PDZRN4: variants seen among roughly 807,000 people sequenced by gnomAD.
PDZRN4 encodes PDZ domain-containing RING finger protein 4.
Under a neutral mutation model 99.0 loss-of-function variants are expected in PDZRN4, and 70 were observed. The ratio of observed to expected loss-of-function variants is 0.71; its 90% CI spans 0.58 to 0.86. The LOEUF is 0.86. Ranked by LOEUF, PDZRN4 falls within the 40% of genes least tolerant of loss-of-function variation. PDZRN4 has a pLI of 0.00. For missense variants in PDZRN4, 1,474 were observed against 1,331.2 expected (o/e 1.11, Z -1.67); for synonymous variants, 551 against 501.6 (o/e 1.10, Z -1.32).
intron 3 of PDZRN4, among the ~76,000 whole-genome samples, chr12:41,423,920 C>A (rs12312032): frequency 3.3e-5 from 5 of 152,094 alleles, no homozygotes; most frequent in Non-Finnish European, 7.4e-5. Context: ...AATGGAGAAA[C>A]AGACTCAGAG....
At chr12:41,363,613 A>G (rs948058410) in intron 3 of PDZRN4, among the ~76,000 whole-genome samples, 2 of 128,978 alleles carry the variant, frequency 1.6e-5, no homozygotes, top group Non-Finnish European at 3.4e-5. Context: ...GGATGCATTT[A>G]TTCAGATTTC....
intron 3 of PDZRN4, among the ~76,000 whole-genome samples, chr12:41,472,405 G>A (rs1270022818): frequency 6.6e-6 from 1 of 152,038 alleles, no homozygotes; most frequent in African/African-American, 2.4e-5. Flanking sequence ...CCCTTTTATA[G>A]ATATACATTT....
intron 3 of PDZRN4, among the ~76,000 whole-genome samples, chr12:41,397,815 A>G (rs923545539): frequency 6.6e-6 from 1 of 152,132 alleles, no homozygotes; most frequent in African/African-American, 2.4e-5. Context: ...TTTACTTTTT[A>G]AGTCACTTAT....
chr12:41,311,647 A>C (rs183219884), intron 3 of PDZRN4, among the ~76,000 whole-genome samples: 1 of 152,344 alleles, frequency 6.6e-6, no homozygotes, highest in African/African-American at 2.4e-5. Context: ...AAATGTCTTC[A>C]TACAATGTCA....
intron 5 of PDZRN4, among the ~76,000 whole-genome samples, chr12:41,551,032 T>G (rs1406214636): frequency 6.6e-6 from 1 of 152,208 alleles, no homozygotes; most frequent in Non-Finnish European, 1.5e-5. Flanking sequence ...GAATACTTTT[T>G]GTCTTTGTAC....
chr12:41,531,972 C>CATAAATTTTTT (rs1938668883), intron 5 of PDZRN4, among the ~76,000 whole-genome samples: 1 of 152,032 alleles, frequency 6.6e-6, no homozygotes, highest in Admixed American at 6.6e-5. Context: ...TTTTATGGTT[C>CATAAATTTTTT]ATGATTCTTC....
chr12:41,461,961 A>G (rs1040062982), intron 3 of PDZRN4, among the ~76,000 whole-genome samples: 10 of 152,118 alleles, frequency 6.6e-5, no homozygotes, highest in Admixed American at 4.6e-4. Flanking sequence ...GTGTTCAGGA[A>G]AATGTGACTC....
intron 3 of PDZRN4, among the ~76,000 whole-genome samples, chr12:41,259,133 G>A (rs1212638745): frequency 6.6e-6 from 1 of 151,940 alleles, no homozygotes; most frequent in Non-Finnish European, 1.5e-5. Flanking sequence ...GGCTATCGTT[G>A]GCTGATTTTT....
intron 5 of PDZRN4, among the ~76,000 whole-genome samples, chr12:41,536,197 T>C (rs140448989): frequency 3.0e-4 from 46 of 152,306 alleles, no homozygotes; most frequent in African/African-American, 1.0e-3. Flanking sequence ...TGTCTTTCAG[T>C]AGGTGAATAG....
chr12:41,328,559 G>A (rs902143565), intron 3 of PDZRN4, among the ~76,000 whole-genome samples: 1 of 152,026 alleles, frequency 6.6e-6, no homozygotes, highest in African/African-American at 2.4e-5. Context: ...GATTTGGCAG[G>A]TTTGTTTATA....
At chr12:41,530,100 T>A (rs183710850) in intron 5 of PDZRN4, among the ~76,000 whole-genome samples, 1 of 152,072 alleles carries the variant, frequency 6.6e-6, no homozygotes, top group African/African-American at 2.4e-5. Flanking sequence ...AAGACTTCCA[T>A]GGCAGATCTA....
chr12:41,490,323 T>G (rs1937859153), intron 3 of PDZRN4, among the ~76,000 whole-genome samples: 1 of 152,164 alleles, frequency 6.6e-6, no homozygotes, highest in African/African-American at 2.4e-5. Context: ...AAAGACTATT[T>G]AAGTCTTCTG....
At chr12:41,411,752 C>A (rs1046357468) in intron 3 of PDZRN4, 2 of 152,200 alleles carry the variant, frequency 1.3e-5, no homozygotes, top group Non-Finnish European at 2.9e-5. Context: ...CTTTACAAGG[C>A]CCTGTAGTAA....
intron 3 of PDZRN4, among the ~76,000 whole-genome samples, chr12:41,213,101 T>G (rs1950898252): frequency 6.6e-6 from 1 of 152,078 alleles, no homozygotes; most frequent in Non-Finnish European, 1.5e-5. Flanking sequence ...AATTTGATGT[T>G]AAATTATATC....
chr12:41,531,004 A>G (rs562356100), intron 5 of PDZRN4, among the ~76,000 whole-genome samples: 34 of 151,922 alleles, frequency 2.2e-4, no homozygotes, highest in Middle Eastern at 3.4e-3. Flanking sequence ...GTAGATATTT[A>G]CAGCTCCTGA....
At chr12:41,306,926 C>G (rs1951574724) in intron 3 of PDZRN4, among the ~76,000 whole-genome samples, 4 of 152,124 alleles carry the variant, frequency 2.6e-5, no homozygotes, top group South Asian at 4.1e-4. Context: ...ACATTTCTAC[C>G]AACATTCTGT....
intron 3 of PDZRN4, among the ~76,000 whole-genome samples, chr12:41,362,293 T>A (rs1244328544): frequency 6.6e-6 from 1 of 151,942 alleles, no homozygotes; most frequent in African/African-American, 2.4e-5. Flanking sequence ...TTGCCTGGAT[T>A]TTTTTTATAC....
chr12:41,403,958 G>T (rs931071253), intron 3 of PDZRN4, among the ~76,000 whole-genome samples: 2 of 152,080 alleles, frequency 1.3e-5, no homozygotes. Flanking sequence ...ATCTATTGGG[G>T]TGTTGGCTGC....
At chr12:41,213,488 C>CT (rs1267500491) in intron 3 of PDZRN4, among the ~76,000 whole-genome samples, 1 of 152,084 alleles carries the variant, frequency 6.6e-6, no homozygotes, top group Admixed American at 6.6e-5. Flanking sequence ...AATGCCCACA[C>CT]TGACAGTTCA....
Sources: gnomAD v4.1 joint callset for allele counts (sites outside exome capture counted in the v4.1 genomes callset) on GRCh38, gnomAD v4.1.1 for gene constraint, MANE v1.5 for transcripts, NCBI Gene and HGNC (gene_info 2026-07-23, HGNC 2026-07-21) for gene names.